RALA: variants seen among roughly 807,000 people sequenced by gnomAD.
RALA encodes the protein ras-related protein Ral-A.
Under a neutral mutation model 24.0 loss-of-function variants are expected in RALA, and 5 were observed. That is an observed-to-expected ratio of 0.21 (90% CI 0.11 to 0.44). RALA has a LOEUF of 0.44. Among genes scored for constraint, RALA ranks in the 20% least tolerant of loss-of-function variants. The pLI is 0.99. For missense variants in RALA, 95 were observed against 241.2 expected (o/e 0.39, Z 4.01); for synonymous variants, 77 against 83.8 (o/e 0.92, Z 0.44).
At chr7:39,664,849 T>C (rs937856201) in intron 1 of RALA, among the ~76,000 whole-genome samples, 6 of 150,512 alleles carry the variant, frequency 4.0e-5, no homozygotes, top group East Asian at 1.9e-4. Flanking sequence ...GTCTGCTTGA[T>C]AGAGATCAAT....
In RALA at chr7:39,705,397, A is replaced by G. The variant is rs1431045966; in HGVS notation, c.499-726A>G. 3.9e-5 allele frequency among the ~76,000 whole-genome samples: 6 copies of G among 152,192 alleles called. No homozygotes were observed. In the East Asian group the frequency reaches 1.2e-3, roughly 29 times the overall value. The stretch of plus-strand genomic sequence containing the variant: ...TAAAAGTTATTCCTCCTTTTATCAT[A>G]TACTCTCAGCCGTTTATGTGGAGTA... On this transcript the variant is annotated intron_variant, in intron 4 of 4. Coordinates refer to ENST00000005257, the MANE Select transcript of RALA (RefSeq NM_005402.4).
intron 1 of RALA, among the ~76,000 whole-genome samples, chr7:39,641,200 C>G (rs1791810231): frequency 6.6e-6 from 1 of 152,094 alleles, no homozygotes; most frequent in South Asian, 2.1e-4. Context: ...GGTGTTATAT[C>G]ATTTTTGCCC....
chr7:39,627,983 T>G (rs1239350964), intron 1 of RALA, among the ~76,000 whole-genome samples: 1 of 152,164 alleles, frequency 6.6e-6, no homozygotes, highest in African/African-American at 2.4e-5. Flanking sequence ...ATTTTTCATT[T>G]TTTTTCTTAC....
At chr7:39,628,272 T>C (rs528382338) in intron 1 of RALA, among the ~76,000 whole-genome samples, 1 of 152,142 alleles carries the variant, frequency 6.6e-6, no homozygotes, top group Non-Finnish European at 1.5e-5. Context: ...GCTTCTCTTA[T>C]GTGCTGTCAT....
At chr7:39,681,913 C>T (rs1411997414) in intron 1 of RALA, among the ~76,000 whole-genome samples, 2 of 152,202 alleles carry the variant, frequency 1.3e-5, no homozygotes, top group Non-Finnish European at 2.9e-5. Flanking sequence ...CCTTCTCCAT[C>T]TTAGGTATAG....
chr7:39,670,459 T>G (rs901907915), intron 1 of RALA, among the ~76,000 whole-genome samples: 1 of 152,234 alleles, frequency 6.6e-6, no homozygotes, highest in Non-Finnish European at 1.5e-5. Context: ...ACATTATTTC[T>G]TTATTCAATT....
At chr7:39,697,107 G>A (rs1429011920) in intron 4 of RALA, among the ~76,000 whole-genome samples, 1 of 152,052 alleles carries the variant, frequency 6.6e-6, no homozygotes, top group African/African-American at 2.4e-5. Flanking sequence ...AGCACTGATG[G>A]CATTCCTGAC....
intron 4 of RALA, among the ~76,000 whole-genome samples, chr7:39,699,173 G>A (rs1355393111): frequency 1.9e-4 from 21 of 111,804 alleles, no homozygotes; most frequent in Non-Finnish European, 9.9e-5. Flanking sequence ...TCGCTCTGTC[G>A]CCCAGGCCGG....
intron 1 of RALA, among the ~76,000 whole-genome samples, chr7:39,661,835 G>A (rs974544770): frequency 3.3e-5 from 5 of 152,184 alleles, no homozygotes; most frequent in African/African-American, 9.7e-5. Flanking sequence ...CTTTGTTGGG[G>A]GGCTTCAACC....
chr7:39,696,938 G>A, intron 4 of RALA, 79 bp downstream of exon 4: 1 of 1,347,860 alleles, frequency 7.4e-7, no homozygotes, highest in South Asian at 1.4e-5. Context: ...TGTCTGGAGA[G>A]TCTATGAAAC....
intron 1 of RALA, among the ~76,000 whole-genome samples, chr7:39,639,431 C>T (rs1238956908): frequency 2.6e-5 from 4 of 152,130 alleles, no homozygotes; most frequent in African/African-American, 4.8e-5. Flanking sequence ...GATGTGCGCA[C>T]GTAGTCCCAG....
chr7:39,648,937 T>C (rs553785573), intron 1 of RALA, among the ~76,000 whole-genome samples: 295 of 152,278 alleles, frequency 1.9e-3, no homozygotes, highest in Non-Finnish European at 3.0e-3. Flanking sequence ...CATGCGCCTG[T>C]AATCCCAGCT....
At chr7:39,634,747 T>G (rs75502630) in intron 1 of RALA, among the ~76,000 whole-genome samples, 2,275 of 152,302 alleles carry the variant, frequency 0.015, 40 homozygotes, top group African/African-American at 0.05. Flanking sequence ...GCTTTCTTAG[T>G]CCCTAAGAAT....
chr7:39,652,979 T>G (rs544105572), intron 1 of RALA, among the ~76,000 whole-genome samples: 29 of 152,038 alleles, frequency 1.9e-4, no homozygotes, highest in Non-Finnish European at 3.4e-4. Flanking sequence ...TTAGCCAGGC[T>G]TGTCTCAAAC....
At chr7:39,642,069 A>C (rs569679487) in intron 1 of RALA, among the ~76,000 whole-genome samples, 78 of 152,296 alleles carry the variant, frequency 5.1e-4, no homozygotes, top group African/African-American at 1.7e-3. Flanking sequence ...CCCAAGAGAG[A>C]GACTAAAGAT....
chr7:39,636,991 A>G (rs1477747834), intron 1 of RALA, among the ~76,000 whole-genome samples: 2 of 152,224 alleles, frequency 1.3e-5, no homozygotes, highest in African/African-American at 4.8e-5. Context: ...ACAAATTGAC[A>G]TGAGATTTTG....
chr7:39,627,341 G>C lies in RALA; in HGVS notation c.-38+3516G>C, dbSNP rs202029381. On this transcript the variant is annotated intron_variant, in intron 1 of 4. Coordinates refer to ENST00000005257, the MANE Select transcript of RALA (RefSeq NM_005402.4). ...GACTTAGTTTCTGAAAGTCAAGAGG[G>C]TAGTCTTTACAAGCCAAAAAAGGCA... is the stretch of plus-strand genomic sequence containing the variant. Among the ~76,000 whole-genome samples, 6 of 152,040 alleles carry C rather than the reference G, an allele frequency of 3.9e-5. No individual in the cohort carries two copies. The East Asian group carries it at 1.2e-3, about 29-fold the overall frequency.
chr7:39,701,175 C>T (rs1308976252), intron 4 of RALA, among the ~76,000 whole-genome samples: 1 of 152,222 alleles, frequency 6.6e-6, no homozygotes, highest in Non-Finnish European at 1.5e-5. Flanking sequence ...GTCTGGCCAA[C>T]TCTGGCGCTC....
At chr7:39,681,819 A>C (rs1197063616) in intron 1 of RALA, among the ~76,000 whole-genome samples, 2 of 152,086 alleles carry the variant, frequency 1.3e-5, no homozygotes, top group African/African-American at 4.8e-5. Flanking sequence ...TAAAACATTC[A>C]GTTTTTCTTG....
Sources: gnomAD v4.1 joint callset for allele counts (sites outside exome capture counted in the v4.1 genomes callset) on GRCh38, gnomAD v4.1.1 for gene constraint, MANE v1.5 for transcripts, NCBI Gene and HGNC (gene_info 2026-07-23, HGNC 2026-07-21) for gene names.